The following MUC20 variants were observed in gnomAD, a reference collection of about 807,000 sequenced individuals.
MUC20 encodes mucin 20, cell surface associated, also known as mucin-20.
A neutral mutation model predicts 23.8 loss-of-function variants in MUC20; 14 were observed. The ratio of observed to expected loss-of-function variants is 0.59; its 90% CI spans 0.39 to 0.92. The LOEUF is 0.92. Ranked by LOEUF, MUC20 falls within the 40% of genes least tolerant of loss-of-function variation. MUC20 has a pLI of 0.00. For synonymous variants in MUC20, 166 were observed against 279.3 expected, an observed-to-expected ratio of 0.59 and a Z score of 4.04; for missense variants, 375 against 668.8, an observed-to-expected ratio of 0.56 and a Z score of 4.85.
At chr3:195,729,230 C>A (rs952699787) in intron 2 of MUC20, 25 of 203,116 alleles carry the variant, frequency 1.2e-4, no homozygotes, top group East Asian at 6.9e-4. Flanking sequence ...ACACATGTAA[C>A]CCGTGAGATT....
At chr3:195,728,820 T>G (rs1713039468) in intron 2 of MUC20, among the ~76,000 whole-genome samples, 1 of 152,214 alleles carries the variant, frequency 6.6e-6, no homozygotes, top group South Asian at 2.1e-4. Flanking sequence ...ATTGTGCCCC[T>G]GGTTTATTGA....
At chr3:195,730,541 G>A (rs981140417) in intron 3 of MUC20, among the ~76,000 whole-genome samples, 5 of 151,888 alleles carry the variant, frequency 3.3e-5, no homozygotes, top group East Asian at 1.9e-4. Flanking sequence ...TAGTAGAGAC[G>A]GGGTTTCACC....
chr3:195,732,513 C>A (rs1713503097), intron 3 of MUC20, among the ~76,000 whole-genome samples: 1 of 152,244 alleles, frequency 6.6e-6, no homozygotes, highest in Admixed American at 6.5e-5. Flanking sequence ...GTGCACACTA[C>A]CACTCCTGGC....
In MUC20 at chr3:195,725,971, C is replaced by T. The variant is rs748740291; in HGVS notation, c.1368C>T (p.Ser456=). 79 of 1,613,934 alleles carry T rather than the reference C, an allele frequency of 4.9e-5. No homozygotes were observed. Among genetic ancestry groups the T allele is most frequent in the Admixed American group, 1.5e-4 (9 of 60,020 alleles). ...PTEGVKASST[S]DPPALPDSTE... ...AAGGGGTGAAGGCCTCGTCCACCTC[C>T]GATCCACCAGCTCTGCCTGACTCCA... Residue 456 remains serine (S), a synonymous_variant, in exon 2 of 4, where the codon TCC becomes TCT. Coordinates refer to ENST00000447234, the MANE Select transcript of MUC20 (RefSeq NM_001282506.2).
rs2148700368 is a variant in MUC20, at chr3:195,726,326, A to G, written c.1723A>G (p.Ser575Gly). 1 of 1,614,040 alleles carries G rather than the reference A, an allele frequency of 6.2e-7. No individual in the cohort carries two copies. The highest frequency in any genetic ancestry group is 1.1e-5 in the South Asian group (1 of 91,086). ...TGCTGGGAGCTCTGCTTCCTCCTAC[A>G]GCCCCTCGGAAGCCGCCCTCAAGAA... ...SFAGSSASSY[S>G]PSEAALKNFT... Residue 575 changes from serine to glycine, a missense_variant, in exon 2 of 4, where the codon AGC (serine) becomes GGC (glycine). Transcript: ENST00000447234.
At chr3:195,723,617 G>C (rs1309092768) in intron 1 of MUC20, among the ~76,000 whole-genome samples, 1 of 95,082 alleles carries the variant, frequency 1.1e-5, no homozygotes, top group African/African-American at 5.1e-5. Flanking sequence ...TATCTGAAAT[G>C]CAAGTTCAAA....
At chr3:195,728,738 C>T (rs1265437854) in intron 2 of MUC20, among the ~76,000 whole-genome samples, 1 of 91,954 alleles carries the variant, frequency 1.1e-5, no homozygotes, top group Non-Finnish European at 2.5e-5. Context: ...ATATTTCAGA[C>T]TATACATGGG....
chr3:195,729,137 A>G (rs1019946766), intron 2 of MUC20, among the ~76,000 whole-genome samples: 1 of 152,280 alleles, frequency 6.6e-6, no homozygotes, highest in Non-Finnish European at 1.5e-5. Flanking sequence ...TAAGACATTC[A>G]TATGATTTGA....
At position 195,726,465 on chromosome 3, in the gene MUC20, C is replaced by A; in HGVS notation, c.1862C>A (p.Thr621Lys). Reference sequence around the variant, plus strand: ...ACTACAACCAACAGCAGCCGAGGGACGAACAGCACCTTAGCCAAGATCACA... The same window carrying A: ...ACTACAACCAACAGCAGCCGAGGGAAGAACAGCACCTTAGCCAAGATCACA... ...PPTTTNSSRG[T>K]NSTLAKITTS... The change falls in exon 2 of 4, where the codon ACG becomes AAG. Residue 621 changes from threonine (T) to lysine (K), a missense_variant. By Grantham distance (78) the Thr-to-Lys change is moderately conservative. Transcript: ENST00000447234. 1 of 1,614,062 alleles carries A rather than the reference C, an allele frequency of 6.2e-7. No homozygotes were observed. The highest frequency in any genetic ancestry group is 1.3e-5 in the African/African-American group (1 of 75,070).
At chr3:195,732,746 G>A (rs1713527966) in intron 3 of MUC20, among the ~76,000 whole-genome samples, 1 of 152,236 alleles carries the variant, frequency 6.6e-6, no homozygotes, top group Admixed American at 6.5e-5. Context: ...TCAGGAGCAG[G>A]TCAAGCAGCT....
At chr3:195,729,957 G>C in intron 3 of MUC20, 1 of 594,676 alleles carries the variant, frequency 1.7e-6, no homozygotes, top group Non-Finnish European at 2.9e-6. Flanking sequence ...ATGTAAACAT[G>C]TGACTCCTAG....
chr3:195,733,208 G>C lies in MUC20; in HGVS notation c.2120G>C (p.Arg707Thr), dbSNP rs1713580891. ...TTCCAGGTCTCCTTACTGCGTGTCA[G>C]GAGAGGCTAACGGACATCAGCTGCA... Reference protein sequence around the residue: ...PHFQVSLLRVRRG With the variant: ...PHFQVSLLRVTRG The change falls in exon 4 of 4, where the codon AGG (arginine) becomes ACG (threonine). Residue 707 changes from arginine to threonine, a missense_variant. Coordinates refer to ENST00000447234, the MANE Select transcript of MUC20 (RefSeq NM_001282506.2). 1 of 1,592,474 alleles carries C rather than the reference G, an allele frequency of 6.3e-7. No individual in the cohort carries two copies. Among genetic ancestry groups the C allele is most frequent in the Non-Finnish European group, 8.5e-7 (1 of 1,170,498 alleles).
At chr3:195,733,049 C>T in intron 3 of MUC20, 101 bp from the exon 4 acceptor site, 3 of 1,311,964 alleles carry the variant, frequency 2.3e-6, no homozygotes, top group Non-Finnish European at 3.2e-6. Flanking sequence ...GGTTGCCGTC[C>T]TCCGCATGCA....
rs201581458 is a variant in MUC20, at chr3:195,725,797, C to G, written c.1194C>G (p.Pro398=). Residue 398 remains proline (P), a synonymous_variant, in exon 2 of 4, where the codon CCC becomes CCG. Transcript: ENST00000447234. ...ACGGCCCCCATCCAGTCATCACCCCCTCATGGTCCCCGGGATCTGACGTCA... is the reference window on the plus strand; with the variant it reads ...ACGGCCCCCATCCAGTCATCACCCCGTCATGGTCCCCGGGATCTGACGTCA... ...SSDGPHPVIT[P]SWSPGSDVTL... The G allele has an allele frequency of 0.084, 56,188 of 668,960 alleles. 1,808 individuals carry two copies. The highest frequency in any genetic ancestry group is 0.22 in the East Asian group (3,669 of 17,056). The allele number at this position is 668,960 out of a possible 1,614,324, so 41.4% of individuals were successfully genotyped here.
At chr3:195,733,114 T>C (rs1713566040) in intron 3 of MUC20, 36 bp from the exon 4 acceptor site, 1 of 1,563,412 alleles carries the variant, frequency 6.4e-7, no homozygotes, top group African/African-American at 1.4e-5. Context: ...ATGGGCCAGA[T>C]GGGCTGAAAG....
chr3:195,729,495 T>C (rs1421732051), intron 2 of MUC20, 153 bp from the exon 3 acceptor site: 5 of 721,568 alleles, frequency 6.9e-6, no homozygotes, highest in East Asian at 2.7e-5. Context: ...TTTGTGTTTT[T>C]AGTAAAGACG....
At chr3:195,731,408 G>A (rs1172659000) in intron 3 of MUC20, among the ~76,000 whole-genome samples, 2 of 152,364 alleles carry the variant, frequency 1.3e-5, no homozygotes, top group South Asian at 2.1e-4. Context: ...GGGATCCTTT[G>A]TTGCAGGCGA....
At chr3:195,731,889 C>T (rs1713424332) in intron 3 of MUC20, among the ~76,000 whole-genome samples, 1 of 152,378 alleles carries the variant, frequency 6.6e-6, no homozygotes, top group African/African-American at 2.4e-5. Flanking sequence ...GCTCGACACC[C>T]GATGGCCAAA....
At chr3:195,727,537 A>C (rs1170757577) in intron 2 of MUC20, among the ~76,000 whole-genome samples, 1 of 152,228 alleles carries the variant, frequency 6.6e-6, no homozygotes, top group Non-Finnish European at 1.5e-5. Context: ...ACTTCCTGTC[A>C]CTCTGCCCTT....
Sources: gnomAD v4.1 joint callset for allele counts (sites outside exome capture counted in the v4.1 genomes callset) on GRCh38, gnomAD v4.1.1 for gene constraint, MANE v1.5 for transcripts, NCBI Gene and HGNC (gene_info 2026-07-23, HGNC 2026-07-21) for gene names.